DLGAP2: variants seen among roughly 807,000 people sequenced by gnomAD.
The protein encoded by DLGAP2 is disks large-associated protein 2.
A neutral mutation model predicts 100.3 loss-of-function variants in DLGAP2; 26 were observed. That is an observed-to-expected ratio of 0.26 (90% CI 0.19 to 0.36). The LOEUF is 0.36. Among genes scored for constraint, DLGAP2 ranks in the 10% least tolerant of loss-of-function variants. DLGAP2 has a pLI of 1.00. For synonymous variants in DLGAP2, 886 were observed against 630.1 expected (o/e 1.41, Z -6.08); for missense variants, 1,858 against 1,453.2 (o/e 1.28, Z -4.53).
chr8:1,136,035 T>C (rs1035687232), intron 2 of DLGAP2, among the ~76,000 whole-genome samples: 2 of 152,232 alleles, frequency 1.3e-5, no homozygotes, highest in African/African-American at 4.8e-5. Flanking sequence ...CTCATTCTCT[T>C]CCTGTGCTTA....
intron 1 of DLGAP2, among the ~76,000 whole-genome samples, chr8:873,353 C>G (rs115437368): frequency 0.01 from 1,530 of 152,250 alleles, 28 homozygotes; most frequent in African/African-American, 0.035. Context: ...GCTAGGACCA[C>G]CAGCACAATT....
At chr8:1,460,802 G>A (rs1414026844) in intron 3 of DLGAP2, among the ~76,000 whole-genome samples, 1 of 152,282 alleles carries the variant, frequency 6.6e-6, no homozygotes, top group Middle Eastern at 3.4e-3. Context: ...ATACTTTATG[G>A]GTAAAGACTG....
intron 3 of DLGAP2, among the ~76,000 whole-genome samples, chr8:1,364,610 C>A (rs1011213041): frequency 6.6e-6 from 1 of 152,338 alleles, no homozygotes; most frequent in East Asian, 1.9e-4. Context: ...GGCGTGCCGC[C>A]TCTTCAGTGG....
At chr8:813,071 C>T (rs1796400539) in intron 1 of DLGAP2, among the ~76,000 whole-genome samples, 1 of 152,128 alleles carries the variant, frequency 6.6e-6, no homozygotes, top group African/African-American at 2.4e-5. Flanking sequence ...GCTATAGCTG[C>T]TTCTTAGCTA....
At chr8:1,638,502 G>A (rs1362192608) in intron 8 of DLGAP2, among the ~76,000 whole-genome samples, 1 of 152,166 alleles carries the variant, frequency 6.6e-6, no homozygotes, top group Non-Finnish European at 1.5e-5. Context: ...TAACACGGGG[G>A]CCAGAGTCAT....
At chr8:757,084 C>G (rs943087929) in intron 1 of DLGAP2, among the ~76,000 whole-genome samples, 2 of 152,114 alleles carry the variant, frequency 1.3e-5, no homozygotes, top group Non-Finnish European at 2.9e-5. Flanking sequence ...CATGCTGCAC[C>G]CCCACCTGGA....
At chr8:1,196,544 C>T (rs1487772109) in intron 2 of DLGAP2, among the ~76,000 whole-genome samples, 1 of 152,192 alleles carries the variant, frequency 6.6e-6, no homozygotes, top group South Asian at 2.1e-4. Flanking sequence ...TGGAGTTTCT[C>T]AGCTGATAAG....
At chr8:1,313,405 G>T (rs1187865983) in intron 3 of DLGAP2, among the ~76,000 whole-genome samples, 5 of 152,056 alleles carry the variant, frequency 3.3e-5, no homozygotes, top group African/African-American at 1.2e-4. Flanking sequence ...GAACCCTCCG[G>T]TTGTCTGCAC....
intron 2 of DLGAP2, among the ~76,000 whole-genome samples, chr8:1,231,279 A>G (rs925145670): frequency 2.0e-5 from 3 of 152,246 alleles, no homozygotes. Flanking sequence ...AAATCAAACC[A>G]CAATGAGATA....
At chr8:798,375 T>C (rs112994723) in intron 1 of DLGAP2, among the ~76,000 whole-genome samples, 307 of 104,664 alleles carry the variant, frequency 2.9e-3, no homozygotes, top group Non-Finnish European at 3.7e-3. Context: ...CGTGCCCCGG[T>C]GCTGGCCAGG....
At chr8:1,064,745 T>C (rs939008715) in intron 2 of DLGAP2, among the ~76,000 whole-genome samples, 2 of 152,200 alleles carry the variant, frequency 1.3e-5, no homozygotes, top group Non-Finnish European at 2.9e-5. Context: ...ATATATAACA[T>C]TTTAAGTGAG....
chr8:985,396 A>C (rs1297708103), intron 2 of DLGAP2, among the ~76,000 whole-genome samples: 6 of 152,222 alleles, frequency 3.9e-5, no homozygotes, highest in Admixed American at 3.9e-4. Context: ...TTCCATACTG[A>C]CAAAACAAGG....
At chr8:1,107,793 C>T (rs1481812679) in intron 2 of DLGAP2, among the ~76,000 whole-genome samples, 3 of 152,326 alleles carry the variant, frequency 2.0e-5, no homozygotes, top group Non-Finnish European at 2.9e-5. Context: ...ACGGCCCATC[C>T]TATGCTGTGT....
At chr8:940,663 A>G (rs1281593549) in intron 2 of DLGAP2, among the ~76,000 whole-genome samples, 1 of 152,142 alleles carries the variant, frequency 6.6e-6, no homozygotes, top group Non-Finnish European at 1.5e-5. Flanking sequence ...ACAGTTTGGA[A>G]AACCAAAGTT....
chr8:1,112,676 G>A (rs769541862), intron 2 of DLGAP2, among the ~76,000 whole-genome samples: 3 of 152,110 alleles, frequency 2.0e-5, no homozygotes, highest in Admixed American at 1.3e-4. Context: ...TTGTCTGTTC[G>A]CTCTGATGAT....
intron 2 of DLGAP2, among the ~76,000 whole-genome samples, chr8:973,165 G>T (rs1390045259): frequency 1.3e-5 from 2 of 152,186 alleles, no homozygotes; most frequent in Non-Finnish European, 2.9e-5. Context: ...GCAGGGCAGA[G>T]GGGCTCCTCA....
chr8:1,465,777 G>A (rs1452709482), intron 3 of DLGAP2, among the ~76,000 whole-genome samples: 1 of 152,220 alleles, frequency 6.6e-6, no homozygotes, highest in Admixed American at 6.5e-5. Flanking sequence ...AGGCCTATGT[G>A]TTCAGACTCT....
At chr8:1,371,134 T>C (rs1377394360) in intron 3 of DLGAP2, among the ~76,000 whole-genome samples, 1 of 152,246 alleles carries the variant, frequency 6.6e-6, no homozygotes, top group Non-Finnish European at 1.5e-5. Context: ...GATGCATGTG[T>C]CAGCTCCTCG....
At chr8:1,352,309 C>A (rs943344887) in intron 3 of DLGAP2, among the ~76,000 whole-genome samples, 2 of 148,738 alleles carry the variant, frequency 1.3e-5, no homozygotes, top group African/African-American at 4.9e-5. Flanking sequence ...TGTGGAAAGG[C>A]CGTGCGGGTC....
Sources: gnomAD v4.1 joint callset for allele counts (sites outside exome capture counted in the v4.1 genomes callset) on GRCh38, gnomAD v4.1.1 for gene constraint, MANE v1.5 for transcripts, NCBI Gene and HGNC (gene_info 2026-07-23, HGNC 2026-07-21) for gene names.